Variants in AHNAK observed in about 807,000 individuals in gnomAD.
The protein encoded by AHNAK is AHNAK nucleoprotein.
A neutral mutation model predicts 37.8 loss-of-function variants in AHNAK; 23 were observed. That is an observed-to-expected ratio of 0.61 (90% confidence interval 0.44 to 0.86). AHNAK has a LOEUF of 0.86. Among genes scored for constraint, AHNAK ranks in the 40% least tolerant of loss-of-function variants. The probability of loss-of-function intolerance (pLI) is 0.00; values close to 1 mark genes in which losing one functional copy is unlikely to be tolerated. For synonymous variants in AHNAK, 2,481 were observed against 2,636.3 expected (o/e 0.94, Z 1.80); for missense variants, 7,411 against 7,319.4 (o/e 1.01, Z -0.46).
chr11:62,514,087 A>C (rs557993341), downstream of AHNAK, among the ~76,000 whole-genome samples: 32 of 152,178 alleles, frequency 2.1e-4, no homozygotes, highest in East Asian at 3.1e-3. Flanking sequence ...CTTCTTCCTA[A>C]AGTTAAAAAA....
chr11:62,461,209 C>T (rs1234551235), intron 5 of AHNAK, among the ~76,000 whole-genome samples: 108 of 141,384 alleles, frequency 7.6e-4, no homozygotes, highest in African/African-American at 2.6e-3. Flanking sequence ...GCAATGGCAC[C>T]ATCTCAGCTC....
At chr11:62,496,877 G>A (rs1047185212) in intron 4 of AHNAK, among the ~76,000 whole-genome samples, 3 of 144,000 alleles carry the variant, frequency 2.1e-5, no homozygotes, top group African/African-American at 8.8e-5. Flanking sequence ...AGAAGGGAGG[G>A]AGGGAAGGAA....
Position 62,518,163 on chromosome 11 carries a change from G to T in AHNAK, c.16254C>A (p.Ser5418=). The T allele has an allele frequency of 6.2e-7, 1 of 1,614,140 alleles. No individual in the cohort carries two copies. The highest frequency in any genetic ancestry group is 1.1e-5 in the South Asian group (1 of 91,082). ...LPQFGISTPG[S]DLHVNAKGPQ... ...GCCCCTTGGCATTGACGTGCAAGTCGGACCCCGGAGTAGAGATGCCAAATT... is the reference window on the plus strand; with the variant it reads ...GCCCCTTGGCATTGACGTGCAAGTCTGACCCCGGAGTAGAGATGCCAAATT... Residue 5418 remains serine (S), a synonymous_variant, in exon 5 of 5, where the codon TCC becomes TCA. Coordinates refer to ENST00000378024, the MANE Select transcript of AHNAK (RefSeq NM_001620.3).
chr11:62,518,050 A>T lies in AHNAK; in HGVS notation c.16367T>A (p.Leu5456Ter). The T allele has an allele frequency of 1.9e-6, 3 of 1,614,186 alleles. No homozygotes were observed. Among genetic ancestry groups the T allele is most frequent in the Non-Finnish European group, 2.5e-6 (3 of 1,180,030 alleles). ...RISAPNVDFN[L>*]EGPKVKGSLG... is the part of the protein sequence containing the mutation. ...GCTCCCTTTCACTTTTGGTCCTTCCAAGTTAAAGTCCACATTCGGTGCTGA... is the reference window on the plus strand; with the variant it reads ...GCTCCCTTTCACTTTTGGTCCTTCCTAGTTAAAGTCCACATTCGGTGCTGA... The change falls in exon 5 of 5, where the codon TTG (leucine) becomes TAG (stop). Residue 5456 changes from leucine (L) to a stop codon, truncating the protein, a stop_gained. Coordinates refer to ENST00000378024, the MANE Select transcript of AHNAK (RefSeq NM_001620.3). LOFTEE classifies it high-confidence loss of function.
chr11:62,524,626 G>A lies in AHNAK; in HGVS notation c.9791C>T (p.Ala3264Val), dbSNP rs754514277. The A allele has an allele frequency of 5.6e-6, 9 of 1,614,068 alleles. No homozygotes were observed. The East Asian group carries it at 1.1e-4, about 20-fold the overall frequency. Residue 3264 changes from alanine (A) to valine (V), a missense_variant, in exon 5 of 5, where the codon GCT becomes GTT. By Grantham distance (64) the Ala-to-Val change is moderately conservative. Transcript: ENST00000378024. ...DIKGPKIDVD[A>V]PDIDIHGPDA... ...TGGGCCATGAATGTCAATATCTGGA[G>A]CATCTACATCTATCTTTGGGCCTTT...
chr11:62,515,856 C>G, downstream of AHNAK: 2 of 1,096,408 alleles, frequency 1.8e-6, no homozygotes, highest in Non-Finnish European at 2.2e-6. Context: ...GTGCAGCTTC[C>G]CCAGGTTTCA....
Position 62,524,840 on chromosome 11 carries a change from C to A in AHNAK, c.9577G>T (p.Val3193Leu). 6.2e-7 allele frequency: 1 copy of A among 1,614,158 alleles called. No individual in the cohort carries two copies. The highest frequency in any genetic ancestry group is 8.5e-7 in the Non-Finnish European group (1 of 1,180,034). The change falls in exon 5 of 5, where the codon GTG (valine) becomes TTG (leucine). Residue 3193 changes from valine (V) to leucine (L), a missense_variant. Coordinates refer to ENST00000378024, the MANE Select transcript of AHNAK (RefSeq NM_001620.3). ...TTCGCATCTGGACCTTCAATATTCA[C>A]ATCTGGAACATCAACGTCCACCTTG... is the stretch of plus-strand genomic sequence containing the variant. ...GPKVDVDVPD[V>L]NIEGPDAKLK... is the part of the protein sequence containing the mutation.
Position 62,517,196 on chromosome 11 carries a change from C to A in AHNAK, c.17221G>T (p.Gly5741Cys), listed in dbSNP as rs753399826. 24 of 1,613,978 alleles carry A rather than the reference C, an allele frequency of 1.5e-5. No individual in the cohort carries two copies. Among genetic ancestry groups the A allele is most frequent in the Middle Eastern group, 3.3e-4 (2 of 6,084 alleles). ...SPEASISGSK[G>C]DLKSSKASLG... ...CTGGCCTTTGAACTTTTCAGGTCAC[C>A]TTTGGACCCAGAAATTGATGCTTCT... The change falls in exon 5 of 5, where the codon GGT (glycine) becomes TGT (cysteine). Residue 5741 changes from glycine to cysteine, a missense_variant. Gly to Cys is a radical substitution (Grantham distance 159). Coordinates refer to ENST00000378024, the MANE Select transcript of AHNAK (RefSeq NM_001620.3).
chr11:62,542,305 G>A (rs1328570135), intron 1 of AHNAK, among the ~76,000 whole-genome samples: 2 of 152,070 alleles, frequency 1.3e-5, no homozygotes, highest in East Asian at 1.9e-4. Flanking sequence ...CCTTGAGCCT[G>A]CACCTCCCCT....
chr11:62,535,152 G>A lies in AHNAK; in HGVS notation c.193C>T (p.Leu65=). The A allele has an allele frequency of 1.2e-6, 2 of 1,612,798 alleles. No homozygotes were observed. Among genetic ancestry groups the A allele is most frequent in the Non-Finnish European group, 1.7e-6 (2 of 1,178,852 alleles). The change falls in exon 4 of 5, where the codon CTG becomes TTG. Residue 65 remains leucine (L), a synonymous_variant. Transcript: ENST00000378024. Reference sequence around the variant, plus strand: ...AGCTGGGTCACCTCACCCGACTGCAGGTTGTCAAAGTAGATGGTGGCACCC... The same window carrying A: ...AGCTGGGTCACCTCACCCGACTGCAAGTTGTCAAAGTAGATGGTGGCACCC... ...IVGATIYFDN[L]QSGEVTQLLN...
chr11:62,500,239 A>G (rs1939687858), intron 4 of AHNAK, among the ~76,000 whole-genome samples: 1 of 152,330 alleles, frequency 6.6e-6, no homozygotes, highest in East Asian at 1.9e-4. Flanking sequence ...TAGTAAACGC[A>G]AAGGAATGAC....
rs1940382608 is a variant in AHNAK at position 62,524,180 on chromosome 11, G to A, written c.10237C>T (p.Pro3413Ser). 1 of 1,614,004 alleles carries A rather than the reference G, an allele frequency of 6.2e-7. No individual in the cohort carries two copies. The highest frequency in any genetic ancestry group is 8.5e-7 in the Non-Finnish European group (1 of 1,180,004). ...FKMPFLSISSPKVSMPDVELN... is the reference protein window; with the variant it reads ...FKMPFLSISSSKVSMPDVELN... ...TCCACGTCAGGCATAGAAACTTTGG[G>A]AGATGAAATACTCAGGAAAGGCATT... Residue 3413 changes from proline to serine, a missense_variant, in exon 5 of 5, where the codon CCC becomes TCC. Coordinates refer to ENST00000378024, the MANE Select transcript of AHNAK (RefSeq NM_001620.3).
At chr11:62,449,403 G>C (rs548074270) in intron 5 of AHNAK, among the ~76,000 whole-genome samples, 1 of 152,314 alleles carries the variant, frequency 6.6e-6, no homozygotes, top group African/African-American at 2.4e-5. Context: ...AAACCAGAGA[G>C]GGAGGCAGGA....
At chr11:62,537,963 T>C (rs1329585364) in intron 1 of AHNAK, among the ~76,000 whole-genome samples, 1 of 152,030 alleles carries the variant, frequency 6.6e-6, no homozygotes, top group Non-Finnish European at 1.5e-5. Flanking sequence ...ATTACGGGCG[T>C]GACCACCGCA....
In AHNAK at chr11:62,471,287, G is replaced by A. The variant is rs551465014; in HGVS notation, c.442+20445C>T. The stretch of plus-strand genomic sequence containing the variant: ...GGCTACTAGGGGGGCTTTGGTTGTC[G>A]CAACTAGGGGGGGCTTCCACTGGCA... On this transcript the variant is annotated intron_variant, in intron 5 of 5. Transcript: ENST00000257247. 9.2e-5 allele frequency among the ~76,000 whole-genome samples: 14 copies of A among 152,212 alleles called. No individual in the cohort carries two copies. In the East Asian group the frequency reaches 1.9e-3, roughly 21 times the overall value.
At chr11:62,495,278 A>G (rs1310231834) in intron 4 of AHNAK, among the ~76,000 whole-genome samples, 2 of 152,234 alleles carry the variant, frequency 1.3e-5, no homozygotes, top group South Asian at 2.1e-4. Context: ...TTCATAGCAT[A>G]TATTAGGAAA....
chr11:62,433,959 T>C (rs1450262334), intron 5 of AHNAK: 9 of 1,592,916 alleles, frequency 5.7e-6, no homozygotes, highest in African/African-American at 2.7e-5. Flanking sequence ...AATCAGAAGA[T>C]GGTTCGTTAA....
intron 5 of AHNAK, among the ~76,000 whole-genome samples, chr11:62,444,746 T>C (rs1412394827): frequency 6.6e-6 from 1 of 152,184 alleles, no homozygotes; most frequent in African/African-American, 2.4e-5. Context: ...CCTGATTTCA[T>C]CTGGGCAGAT....
At chr11:62,495,108 A>G (rs966495847) in intron 4 of AHNAK, among the ~76,000 whole-genome samples, 1 of 152,048 alleles carries the variant, frequency 6.6e-6, no homozygotes, top group Non-Finnish European at 1.5e-5. Flanking sequence ...TCAAGGCTAC[A>G]GTGAGCTGTG....
Sources: allele counts gnomAD v4.1 joint callset (sites outside exome capture counted in the v4.1 genomes callset), GRCh38; gene constraint gnomAD v4.1.1; transcripts MANE v1.5; gene names NCBI Gene and HGNC (gene_info 2026-07-23, HGNC 2026-07-21).